EXOC4: variants seen among roughly 807,000 people sequenced by gnomAD.
EXOC4 encodes the protein SEC8-like 1.
In EXOC4, 71 loss-of-function variants were observed where a neutral mutation model predicts 107.2. The ratio of observed to expected loss-of-function variants is 0.66; its 90% CI spans 0.55 to 0.81. The LOEUF (loss-of-function observed/expected upper bound fraction) is 0.81. EXOC4 is among the 30% of genes least tolerant of loss of function. The pLI is 0.00. For missense variants in EXOC4, 1,108 were observed against 1,189.6 expected (o/e 0.93, Z 1.01); for synonymous variants, 456 against 441.2 (o/e 1.03, Z -0.42).
chr7:133,783,956 T>C (rs897313009), intron 10 of EXOC4, among the ~76,000 whole-genome samples: 2 of 152,212 alleles, frequency 1.3e-5, no homozygotes, highest in African/African-American at 2.4e-5. Context: ...GGACAACTTA[T>C]GCATGTAATA....
the EXOC4 span, among the ~76,000 whole-genome samples, chr7:134,087,041 G>T: frequency 6.6e-6 from 1 of 152,240 alleles, no homozygotes; most frequent in South Asian, 2.1e-4. Context: ...TTATCAGCAA[G>T]GACTTTATGA....
chr7:133,787,970 TA>T (rs1374322973), intron 10 of EXOC4, among the ~76,000 whole-genome samples: 12 of 31,224 alleles, frequency 3.8e-4, no homozygotes, highest in Non-Finnish European at 7.0e-4. Context: ...TATTTATATA[TA>T]TATATATATA....
intron 7 of EXOC4, among the ~76,000 whole-genome samples, chr7:133,394,642 A>G (rs1354842987): frequency 6.6e-6 from 1 of 152,194 alleles, no homozygotes; most frequent in Admixed American, 6.5e-5. Context: ...CTGACCTACT[A>G]TACAGAACCA....
chr7:133,352,238 T>C (rs913755804), intron 5 of EXOC4, among the ~76,000 whole-genome samples: 1 of 151,952 alleles, frequency 6.6e-6, no homozygotes, highest in Non-Finnish European at 1.5e-5. Context: ...TTCTGTCTGG[T>C]TGTTCTATCA....
chr7:133,678,726 T>C (rs1008694691), intron 10 of EXOC4, among the ~76,000 whole-genome samples: 10 of 152,038 alleles, frequency 6.6e-5, no homozygotes, highest in Non-Finnish European at 4.4e-5. Flanking sequence ...TCCTCCTGCC[T>C]CAGGCTCCCA....
At chr7:134,018,864 G>T (rs979552278) in intron 17 of EXOC4, among the ~76,000 whole-genome samples, 3 of 151,978 alleles carry the variant, frequency 2.0e-5, no homozygotes, top group African/African-American at 7.3e-5. Flanking sequence ...AAGTATTTAT[G>T]AAAATAATAT....
At chr7:133,370,481 C>G (rs1256555517) in intron 6 of EXOC4, among the ~76,000 whole-genome samples, 1 of 151,942 alleles carries the variant, frequency 6.6e-6, no homozygotes, top group African/African-American at 2.4e-5. Flanking sequence ...ATTAGCCTTT[C>G]CAAAGGAAGC....
intron 9 of EXOC4, chr7:133,551,842 A>G (rs1584993344): frequency 6.6e-6 from 1 of 152,286 alleles, no homozygotes; most frequent in South Asian, 2.1e-4. Flanking sequence ...AGTGATTACC[A>G]AGAAAAAAAA....
intron 15 of EXOC4, among the ~76,000 whole-genome samples, chr7:134,002,509 A>G (rs1022738740): frequency 9.2e-5 from 14 of 152,154 alleles, no homozygotes; most frequent in African/African-American, 3.4e-4. Context: ...TTTGATAGAC[A>G]TTGTCAAGGT....
In EXOC4 at chr7:133,253,171, C is replaced by T; in HGVS notation, c.70C>T (p.Leu24Phe). ...VSKSKDPSGL[L>F]ISVIRTLSTS... ...CAAAAGCAAAGACCCCTCGGGGCTG[C>T]TCATCTCTGTGATCAGGTGAGGGAG... The change falls in exon 1 of 18, where the codon CTC becomes TTC. Residue 24 changes from leucine to phenylalanine, a missense_variant. Leu to Phe is a conservative substitution (Grantham distance 22). Transcript: ENST00000253861. The T allele has an allele frequency of 1.9e-6, 3 of 1,614,142 alleles. No individual in the cohort carries two copies. The highest frequency in any genetic ancestry group is 2.5e-6 in the Non-Finnish European group (3 of 1,179,974).
chr7:133,899,494 A>G (rs963970900), intron 12 of EXOC4, among the ~76,000 whole-genome samples: 1 of 152,250 alleles, frequency 6.6e-6, no homozygotes. Context: ...TCTCCTGTCC[A>G]TTGGACATAG....
At chr7:133,585,652 A>G (rs895295127) in intron 9 of EXOC4, among the ~76,000 whole-genome samples, 1 of 152,006 alleles carries the variant, frequency 6.6e-6, no homozygotes, top group Non-Finnish European at 1.5e-5. Flanking sequence ...AGCTGTCAGT[A>G]TGGAGCTTAT....
chr7:133,844,452 C>T (rs750432387), intron 11 of EXOC4, among the ~76,000 whole-genome samples: 7 of 131,368 alleles, frequency 5.3e-5, no homozygotes, highest in Non-Finnish European at 1.1e-4. Flanking sequence ...TACAGTGGCG[C>T]GATCTTGGCT....
intron 11 of EXOC4, among the ~76,000 whole-genome samples, chr7:133,868,838 A>G (rs1423725389): frequency 6.6e-6 from 1 of 151,904 alleles, no homozygotes; most frequent in Non-Finnish European, 1.5e-5. Context: ...CTTTATCATC[A>G]TTTCAATGGG....
At chr7:133,737,989 G>T (rs1446654768) in intron 10 of EXOC4, among the ~76,000 whole-genome samples, 1 of 125,658 alleles carries the variant, frequency 8.0e-6, no homozygotes, top group Non-Finnish European at 1.6e-5. Flanking sequence ...TCATTTCACT[G>T]CAGCCTCTGC....
chr7:133,344,445 C>T (rs910678664), intron 5 of EXOC4, among the ~76,000 whole-genome samples: 9 of 152,144 alleles, frequency 5.9e-5, no homozygotes, highest in African/African-American at 2.2e-4. Flanking sequence ...GGATTTTTAG[C>T]TCATTGGCTC....
At chr7:133,556,616 G>A (rs1446008641) in intron 9 of EXOC4, among the ~76,000 whole-genome samples, 1 of 152,022 alleles carries the variant, frequency 6.6e-6, no homozygotes, top group Non-Finnish European at 1.5e-5. Flanking sequence ...CAGTGTGTAT[G>A]ATAAACATTT....
intron 10 of EXOC4, among the ~76,000 whole-genome samples, chr7:133,712,925 C>T (rs1794924756): frequency 6.6e-6 from 1 of 152,102 alleles, no homozygotes; most frequent in Non-Finnish European, 1.5e-5. Flanking sequence ...AAACAGAATG[C>T]AGATTGATGG....
At chr7:133,896,824 T>C (rs368977171) in intron 12 of EXOC4, among the ~76,000 whole-genome samples, 12 of 91,412 alleles carry the variant, frequency 1.3e-4, no homozygotes, top group African/African-American at 5.9e-4. Flanking sequence ...CGCCACCATG[T>C]CTGGCTATTT....
Sources: allele counts gnomAD v4.1 joint callset (sites outside exome capture counted in the v4.1 genomes callset), GRCh38; gene constraint gnomAD v4.1.1; transcripts MANE v1.5; gene names NCBI Gene and HGNC (gene_info 2026-07-23, HGNC 2026-07-21).